SSBP2: variants seen among roughly 807,000 people sequenced by gnomAD.
SSBP2 encodes the protein single-stranded DNA-binding protein 2.
A neutral mutation model predicts 61.8 loss-of-function variants in SSBP2; 17 were observed. The ratio of observed to expected loss-of-function variants is 0.28; its 90% CI spans 0.19 to 0.41. The LOEUF (loss-of-function observed/expected upper bound fraction) is 0.41. SSBP2 is among the 10% of genes least tolerant of loss of function. The pLI, the probability that SSBP2 is intolerant of heterozygous loss-of-function variation, is 1.00. For synonymous variants in SSBP2, 139 were observed against 141.3 expected (o/e 0.98, Z 0.12); for missense variants, 310 against 458.7 (o/e 0.68, Z 2.96).
chr5:81,665,189 A>G lies in SSBP2; in HGVS notation c.63-14850T>C, dbSNP rs555080145. 9.8e-5 allele frequency among the ~76,000 whole-genome samples: 15 copies of G among 152,320 alleles called. No individual in the cohort carries two copies. The East Asian group carries it at 2.5e-3, about 25-fold the overall frequency. On this transcript the variant is annotated intron_variant, in intron 1 of 16. Transcript: ENST00000320672. ...TTAATGATACTGATTCTTCCCATCC[A>G]TGAGCATAGATGGTTTTTCCACTTG...
At chr5:81,622,421 G>T (rs1362471360) in intron 3 of SSBP2, among the ~76,000 whole-genome samples, 2 of 152,184 alleles carry the variant, frequency 1.3e-5, no homozygotes, top group African/African-American at 4.8e-5. Context: ...GTAGTTAAGA[G>T]CACAGGCACT....
intron 6 of SSBP2, among the ~76,000 whole-genome samples, chr5:81,481,402 A>C (rs1765976204): frequency 6.6e-6 from 1 of 152,036 alleles, no homozygotes; most frequent in Non-Finnish European, 1.5e-5. Context: ...GGGGTGGATC[A>C]CCTGAGGTCA....
chr5:81,528,120 C>T (rs1382337524), intron 4 of SSBP2, among the ~76,000 whole-genome samples: 2 of 151,992 alleles, frequency 1.3e-5, no homozygotes, highest in Admixed American at 6.6e-5. Context: ...GAAAATAACA[C>T]TAAAGGGACA....
At chr5:81,666,809 T>C (rs948351232) in intron 1 of SSBP2, among the ~76,000 whole-genome samples, 1 of 152,204 alleles carries the variant, frequency 6.6e-6, no homozygotes, top group African/African-American at 2.4e-5. Context: ...CAGATTGTCA[T>C]AATCTTTACT....
At chr5:81,649,190 C>G (rs1229119441) in intron 2 of SSBP2, among the ~76,000 whole-genome samples, 1 of 152,096 alleles carries the variant, frequency 6.6e-6, no homozygotes, top group African/African-American at 2.4e-5. Context: ...TTGTCCTCAT[C>G]AGTAAAACGG....
At chr5:81,559,404 A>G (rs2153407083) in intron 4 of SSBP2, among the ~76,000 whole-genome samples, 1 of 151,098 alleles carries the variant, frequency 6.6e-6, no homozygotes, top group South Asian at 2.1e-4. Context: ...AAAAAAAAAA[A>G]ATTAGCTGGG....
chr5:81,680,848 G>A (rs543118936), intron 1 of SSBP2, among the ~76,000 whole-genome samples: 1 of 152,292 alleles, frequency 6.6e-6, no homozygotes, highest in South Asian at 2.1e-4. Flanking sequence ...TCTTCTATGA[G>A]AAATGGACGG....
chr5:81,648,806 CA>C (rs1449735485), intron 2 of SSBP2, among the ~76,000 whole-genome samples: 1 of 151,848 alleles, frequency 6.6e-6, no homozygotes, highest in Admixed American at 6.6e-5. Context: ...CTAATAGCCA[CA>C]AAAACTTTTA....
intron 14 of SSBP2, among the ~76,000 whole-genome samples, chr5:81,437,998 A>G (rs1293747939): frequency 1.3e-5 from 2 of 152,172 alleles, no homozygotes; most frequent in East Asian, 1.9e-4. Context: ...TTTAAATATT[A>G]TATTTTTATT....
intron 4 of SSBP2, among the ~76,000 whole-genome samples, chr5:81,548,217 G>A (rs2154126070): frequency 6.6e-6 from 1 of 152,212 alleles, no homozygotes; most frequent in East Asian, 1.9e-4. Flanking sequence ...TATACATAAT[G>A]TATACTGCAT....
chr5:81,476,793 G>C (rs1454875380), intron 6 of SSBP2, among the ~76,000 whole-genome samples: 6 of 152,134 alleles, frequency 3.9e-5, no homozygotes, highest in African/African-American at 9.7e-5. Flanking sequence ...CTGTCAAATA[G>C]AGACATTCCA....
In SSBP2 at chr5:81,501,546, TTTTC is replaced by T. The variant is rs914515192; in HGVS notation, c.372+12078_372+12081del. Among the ~76,000 whole-genome samples, 24 of 148,260 alleles carry T rather than the reference TTTTC, an allele frequency of 1.6e-4. 1 individual carries two copies. Among genetic ancestry groups the T allele is most frequent in the South Asian group, 1.1e-3 (5 of 4,654 alleles). Reference sequence around the variant, plus strand: ...TACTCTATTCCCTGGTGTTGTTTCCTTTTCTTTCTTTCTTTTCTTTTTTTTTTTT... The same window carrying T: ...TACTCTATTCCCTGGTGTTGTTTCCTTTTCTTTCTTTTCTTTTTTTTTTTT... On this transcript the variant is annotated intron_variant, in intron 5 of 16. Coordinates refer to ENST00000320672, the MANE Select transcript of SSBP2 (RefSeq NM_012446.5).
At chr5:81,436,350 T>A (rs1336647461) in intron 15 of SSBP2, among the ~76,000 whole-genome samples, 1 of 152,022 alleles carries the variant, frequency 6.6e-6, no homozygotes, top group Admixed American at 6.6e-5. Flanking sequence ...AAGCTAGTAC[T>A]CATTATAAAT....
chr5:81,519,413 C>T (rs376802789), intron 4 of SSBP2, among the ~76,000 whole-genome samples: 10 of 152,082 alleles, frequency 6.6e-5, no homozygotes, highest in Admixed American at 4.6e-4. Flanking sequence ...AGAGACACTG[C>T]TAAGTAGACC....
intron 3 of SSBP2, among the ~76,000 whole-genome samples, chr5:81,634,344 C>T (rs1748002755): frequency 6.6e-6 from 1 of 152,140 alleles, no homozygotes; most frequent in Non-Finnish European, 1.5e-5. Context: ...AACCTGGAAG[C>T]CCCTGCTTTG....
intron 1 of SSBP2, among the ~76,000 whole-genome samples, chr5:81,745,913 T>G (rs1043899339): frequency 5.3e-5 from 8 of 152,070 alleles, no homozygotes; most frequent in Non-Finnish European, 1.0e-4. Flanking sequence ...CAGAGTATGC[T>G]CTAATCTTAA....
chr5:81,577,908 T>A (rs1363336540), intron 4 of SSBP2, among the ~76,000 whole-genome samples: 1 of 152,046 alleles, frequency 6.6e-6, no homozygotes, highest in South Asian at 2.1e-4. Context: ...GCTTATGATA[T>A]ACCAGATTGT....
chr5:81,431,301 T>C (rs1453316010), intron 15 of SSBP2, among the ~76,000 whole-genome samples: 1 of 152,198 alleles, frequency 6.6e-6, no homozygotes, highest in Non-Finnish European at 1.5e-5. Context: ...TTTCAATGAA[T>C]ATGTACTTTA....
intron 3 of SSBP2, among the ~76,000 whole-genome samples, chr5:81,623,639 G>T (rs539437015): frequency 6.6e-6 from 1 of 152,002 alleles, no homozygotes; most frequent in Non-Finnish European, 1.5e-5. Context: ...CCGGTCCATT[G>T]TAGTACTTTT....
Sources: allele counts gnomAD v4.1 joint callset (sites outside exome capture counted in the v4.1 genomes callset), GRCh38; gene constraint gnomAD v4.1.1; transcripts MANE v1.5; gene names NCBI Gene and HGNC (gene_info 2026-07-23, HGNC 2026-07-21).